The following RSF1 variants were observed in gnomAD, a reference collection of about 807,000 sequenced individuals.
RSF1 encodes HBV pX-associated protein 8.
Under a neutral mutation model 145.2 loss-of-function variants are expected in RSF1, and 13 were observed. That is an observed-to-expected ratio of 0.09 (90% CI 0.06 to 0.14). The LOEUF (loss-of-function observed/expected upper bound fraction) is 0.14, where lower values mean the gene tolerates loss of function less well. Among genes scored for constraint, RSF1 ranks in the 10% least tolerant of loss-of-function variants. The pLI, the probability that RSF1 is intolerant of heterozygous loss-of-function variation, is 1.00. For missense variants in RSF1, 1,517 were observed against 1,718.2 expected (o/e 0.88, Z 2.07); for synonymous variants, 577 against 592.6 (o/e 0.97, Z 0.38).
chr11:77,725,601 T>C lies in RSF1; in HGVS notation c.677A>G (p.Glu226Gly). Residue 226 changes from glutamate to glycine, a missense_variant, in exon 5 of 16, where the codon GAA becomes GGA. Physicochemically the swap from Glu to Gly is moderately conservative, Grantham distance 98. Transcript: ENST00000308488. ...NSSQQDNSSRESPSLEDEETK... is the reference protein window; with the variant it reads ...NSSQQDNSSRGSPSLEDEETK... ...CTCCTCATCCTCTAAGCTGGGACTT[T>C]CCCGAGAAGAGTTGTCTTGTTGGCT... The C allele has an allele frequency of 6.2e-7, 1 of 1,610,102 alleles. No homozygotes were observed. The highest frequency in any genetic ancestry group is 8.5e-7 in the Non-Finnish European group (1 of 1,177,826).
At chr11:77,754,118 G>A (rs929303908) in intron 2 of RSF1, among the ~76,000 whole-genome samples, 4 of 152,158 alleles carry the variant, frequency 2.6e-5, no homozygotes, top group Non-Finnish European at 5.9e-5. Context: ...CTCTACATGG[G>A]CAGGGGGCAT....
rs1343530541 is a variant in RSF1 at position 77,716,572 on chromosome 11, C to T, written c.733+8973G>A. ...TTACATGTGGAATCTTAGAGTTGAA[C>T]TCACAGAAGCAGAGTAGAATAGTGG... On this transcript the variant is annotated intron_variant, in intron 5 of 15. Coordinates refer to ENST00000308488, the MANE Select transcript of RSF1 (RefSeq NM_016578.4). 2.6e-5 allele frequency among the ~76,000 whole-genome samples: 4 copies of T among 152,260 alleles called. No individual in the cohort carries two copies. The South Asian group carries it at 8.3e-4, about 32-fold the overall frequency.
chr11:77,845,633 T>G, the RSF1 span, among the ~76,000 whole-genome samples: 8 of 152,268 alleles, frequency 5.3e-5, no homozygotes, highest in African/African-American at 1.7e-4. Context: ...TTTTACCATG[T>G]TGGCCAGGCT....
chr11:77,719,016 G>C (rs561607432), intron 5 of RSF1, among the ~76,000 whole-genome samples: 55 of 152,214 alleles, frequency 3.6e-4, no homozygotes, highest in Middle Eastern at 3.4e-3. Flanking sequence ...TGGGAGATGG[G>C]GGGGAGGATT....
rs551203109 is a variant in RSF1, at chr11:77,789,904, G to A, written c.188-25215C>T. Among the ~76,000 whole-genome samples the A allele has an allele frequency of 1.2e-4, 18 of 152,288 alleles. 1 individual carries two copies. The highest frequency in any genetic ancestry group is 2.2e-4 in the Non-Finnish European group (15 of 68,030). On this transcript the variant is annotated intron_variant, in intron 1 of 15. Transcript: ENST00000308488. The stretch of plus-strand genomic sequence containing the variant: ...GGCCTGAGGTTGGGCCTGTCTACCC[G>A]CAGCTGCCACCACAGCTGTAACCTA...
At chr11:77,839,063 C>G in the RSF1 span, among the ~76,000 whole-genome samples, 1 of 152,144 alleles carries the variant, frequency 6.6e-6, no homozygotes, top group Non-Finnish European at 1.5e-5. Flanking sequence ...TTCCCTTATA[C>G]TACTTTCTTT....
chr11:77,748,837 G>A (rs916315846), intron 2 of RSF1, among the ~76,000 whole-genome samples: 2 of 152,120 alleles, frequency 1.3e-5, no homozygotes, highest in Non-Finnish European at 2.9e-5. Flanking sequence ...AGAGGAAAAC[G>A]TACGTCTACA....
At chr11:77,753,187 G>A (rs551672278) in intron 2 of RSF1, among the ~76,000 whole-genome samples, 6 of 152,098 alleles carry the variant, frequency 3.9e-5, no homozygotes, top group East Asian at 1.9e-4. Flanking sequence ...GATTTGCCTC[G>A]AATTCTTTCT....
At chr11:77,735,620 T>C (rs1961329592) in intron 4 of RSF1, among the ~76,000 whole-genome samples, 2 of 152,142 alleles carry the variant, frequency 1.3e-5, no homozygotes, top group Non-Finnish European at 2.9e-5. Context: ...AGCTTTTAAT[T>C]TACTAGTAAA....
At chr11:77,839,980 A>G in the RSF1 span, among the ~76,000 whole-genome samples, 1 of 152,172 alleles carries the variant, frequency 6.6e-6, no homozygotes. Context: ...CGTAAAAAAG[A>G]TGTTACATGC....
At chr11:77,852,736 A>G in the RSF1 span, among the ~76,000 whole-genome samples, 1 of 152,146 alleles carries the variant, frequency 6.6e-6, no homozygotes, top group Non-Finnish European at 1.5e-5. Flanking sequence ...ATAAGCAAAT[A>G]CAAAAATACA....
chr11:77,680,258 C>A (rs1006181082), intron 11 of RSF1, among the ~76,000 whole-genome samples: 11 of 150,792 alleles, frequency 7.3e-5, no homozygotes, highest in East Asian at 5.9e-4. Context: ...TATGGTGAGA[C>A]CCTGTATCTA....
chr11:77,738,349 GA>G (rs1448499508), intron 4 of RSF1, among the ~76,000 whole-genome samples: 1 of 151,846 alleles, frequency 6.6e-6, no homozygotes, highest in Non-Finnish European at 1.5e-5. Context: ...AAAATATTTA[GA>G]AAAAAATGAA....
At chr11:77,713,651 T>C (rs1960740442) in intron 5 of RSF1, among the ~76,000 whole-genome samples, 1 of 152,220 alleles carries the variant, frequency 6.6e-6, no homozygotes, top group Non-Finnish European at 1.5e-5. Context: ...TTTGCCTATT[T>C]TCAGTATAGC....
rs182936621 is a variant in RSF1, at chr11:77,664,316, G to A, written c.*2601C>T. ...AATTGATTTAATCAAAATATAAGGTGAGAAGGGGTACATTCACTATCAAGT... is the reference window on the plus strand; with the variant it reads ...AATTGATTTAATCAAAATATAAGGTAAGAAGGGGTACATTCACTATCAAGT... On this transcript the variant is annotated 3_prime_UTR_variant, in exon 16 of 16. Transcript: ENST00000308488. 1.3e-5 allele frequency: 2 copies of A among 152,290 alleles called. No individual in the cohort carries two copies. Among genetic ancestry groups the A allele is most frequent in the East Asian group, 3.9e-4 (2 of 5,178 alleles). The allele number at this position is 152,290 out of a possible 1,614,324, so 9.4% of individuals were successfully genotyped here.
chr11:77,746,341 A>G (rs1948002049), intron 3 of RSF1, among the ~76,000 whole-genome samples: 1 of 152,086 alleles, frequency 6.6e-6, no homozygotes, highest in African/African-American at 2.4e-5. Context: ...CAGCAAAATA[A>G]CACCTACTCT....
At chr11:77,857,702 T>A in the RSF1 span, among the ~76,000 whole-genome samples, 4 of 151,294 alleles carry the variant, frequency 2.6e-5, no homozygotes, top group Admixed American at 2.0e-4. Flanking sequence ...CTAAGTTGTT[T>A]TTTTTTTTTT....
chr11:77,855,280 C>A, the RSF1 span: 1 of 152,314 alleles, frequency 6.6e-6, no homozygotes, highest in Middle Eastern at 3.4e-3. Flanking sequence ...ATGCAAATTT[C>A]TACAGCTGGC....
intron 1 of RSF1, among the ~76,000 whole-genome samples, chr11:77,795,112 T>C (rs1387041190): frequency 1.3e-5 from 2 of 150,998 alleles, no homozygotes; most frequent in African/African-American, 2.4e-5. Context: ...CAAAAAAAAA[T>C]GAAATACCTA....
Sources: gnomAD v4.1 joint callset for allele counts (sites outside exome capture counted in the v4.1 genomes callset) on GRCh38, gnomAD v4.1.1 for gene constraint, MANE v1.5 for transcripts, NCBI Gene and HGNC (gene_info 2026-07-23, HGNC 2026-07-21) for gene names.